Variants in GOLGA3 observed in about 807,000 individuals in gnomAD.
The protein encoded by GOLGA3 is golgin A3, also known as golgin subfamily A member 3.
A neutral mutation model predicts 169.4 loss-of-function variants in GOLGA3; 75 were observed. The observed-to-expected ratio is 0.44, with a 90% confidence interval of 0.37 to 0.54. The LOEUF is 0.54. Ranked by LOEUF, GOLGA3 falls within the 20% of genes least tolerant of loss-of-function variation. The pLI, the probability that GOLGA3 is intolerant of heterozygous loss-of-function variation, is 0.00. For synonymous variants in GOLGA3, 824 were observed against 822.4 expected (o/e 1.00, Z -0.03); for missense variants, 1,899 against 1,930.0 (o/e 0.98, Z 0.30).
At chr12:132,823,072 G>A (rs1004932936) in intron 1 of GOLGA3, among the ~76,000 whole-genome samples, 3 of 152,244 alleles carry the variant, frequency 2.0e-5, no homozygotes, top group African/African-American at 7.2e-5. Flanking sequence ...AAAAGCAGGT[G>A]CCATGGGATG....
In GOLGA3 at chr12:132,786,568, G is replaced by A. The variant is rs201635631; in HGVS notation, c.2907-13C>T. 979 of 1,612,000 alleles carry A rather than the reference G, an allele frequency of 6.1e-4. No homozygotes were observed. The highest frequency in any genetic ancestry group is 1.4e-3 in the Admixed American group (85 of 59,954). On this transcript the variant is annotated splice_polypyrimidine_tract_variant and intron_variant, in intron 14 of 23. Coordinates refer to ENST00000450791, the MANE Select transcript of GOLGA3 (RefSeq NM_001389683.1). ...TTCCGTGATGGCCCTGGGGTGTCATGAGGGAGACACAGGAGGAAGCTGAAT... is the reference window on the plus strand; with the variant it reads ...TTCCGTGATGGCCCTGGGGTGTCATAAGGGAGACACAGGAGGAAGCTGAAT...
chr12:132,822,130 G>T lies in GOLGA3; in HGVS notation c.-2C>A. ...TTGCTCGGCCGACGCGCCGTCCATG[G>T]TCAGGACGACACCAGCTGAGCTGAC... On this transcript the variant is annotated 5_prime_UTR_variant, in exon 2 of 24. Transcript: ENST00000450791. 1 of 1,603,164 alleles carries T rather than the reference G, an allele frequency of 6.2e-7. No individual in the cohort carries two copies.
At chr12:132,814,780 G>A (rs1043677331) in intron 3 of GOLGA3, among the ~76,000 whole-genome samples, 3 of 152,228 alleles carry the variant, frequency 2.0e-5, no homozygotes, top group Admixed American at 1.3e-4. Flanking sequence ...GACAGGAGGG[G>A]AAAATTTACA....
intron 2 of GOLGA3, among the ~76,000 whole-genome samples, chr12:132,819,773 C>T: frequency 6.6e-6 from 1 of 152,210 alleles, no homozygotes; most frequent in Non-Finnish European, 1.5e-5. Context: ...GGCGCAGTGG[C>T]TCACACCTGT....
intron 6 of GOLGA3, among the ~76,000 whole-genome samples, chr12:132,806,228 C>T (rs1949393574): frequency 6.6e-6 from 1 of 152,172 alleles, no homozygotes. Context: ...GTGGATGCAA[C>T]CGAAGGACCA....
intron 8 of GOLGA3, among the ~76,000 whole-genome samples, chr12:132,800,864 TAGG>T (rs1949097184): frequency 6.6e-6 from 1 of 151,710 alleles, no homozygotes; most frequent in African/African-American, 2.4e-5. Flanking sequence ...GAGGCTGAGG[TAGG>T]AGAATAGCTT....
chr12:132,810,658 C>T (rs1001090896), intron 4 of GOLGA3, among the ~76,000 whole-genome samples: 4 of 152,186 alleles, frequency 2.6e-5, no homozygotes, highest in Non-Finnish European at 5.9e-5. Context: ...CCAGAGGGCT[C>T]CTGGGTCTAG....
At chr12:132,812,744 C>T (rs1161193713) in intron 4 of GOLGA3, among the ~76,000 whole-genome samples, 1 of 152,186 alleles carries the variant, frequency 6.6e-6, no homozygotes, top group Admixed American at 6.5e-5. Flanking sequence ...AATAGCACCG[C>T]ATGTTACAGA....
chr12:132,782,420 A>G lies in GOLGA3; in HGVS notation c.3341T>C (p.Leu1114Ser). The G allele has an allele frequency of 1.2e-6, 2 of 1,613,690 alleles. No individual in the cohort carries two copies. Among genetic ancestry groups the G allele is most frequent in the South Asian group, 1.1e-5 (1 of 91,072 alleles). The change falls in exon 17 of 24, where the codon TTA becomes TCA. Residue 1114 changes from leucine to serine, a missense_variant. Physicochemically the swap from Leu to Ser is moderately radical, Grantham distance 145. Transcript: ENST00000450791. ...CGTAAGCTTCCCTTTCTCGTGCTCTAATTCAAGAGCCAACTTCTTGTTTGA... is the reference window on the plus strand; with the variant it reads ...CGTAAGCTTCCCTTTCTCGTGCTCTGATTCAAGAGCCAACTTCTTGTTTGA... Reference protein sequence around the residue: ...EESNKKLALELEHEKGKLTGL... With the variant: ...EESNKKLALESEHEKGKLTGL...
chr12:132,774,950 C>T (rs2045139526), intron 22 of GOLGA3, 191 bp downstream of exon 22: 1 of 577,982 alleles, frequency 1.7e-6, no homozygotes, highest in Non-Finnish European at 3.0e-6. Context: ...GAGGAAAACA[C>T]TGTTGGATGA....
chr12:132,784,418 G>T, intron 15 of GOLGA3, 111 bp from the exon 16 acceptor site: 1 of 886,664 alleles, frequency 1.1e-6, no homozygotes, highest in Non-Finnish European at 1.7e-6. Flanking sequence ...CCAGACACCA[G>T]CTGTCTGACA....
intron 4 of GOLGA3, among the ~76,000 whole-genome samples, chr12:132,812,652 A>G (rs1207562073): frequency 6.6e-6 from 1 of 152,230 alleles, no homozygotes; most frequent in Non-Finnish European, 1.5e-5. Flanking sequence ...CAGCAAGGGC[A>G]CTAGAACTAG....
At position 132,773,216 on chromosome 12, in the gene GOLGA3, C is replaced by T. The variant is rs1446284799; in HGVS notation, c.4386G>A (p.Pro1462=). 9 of 1,573,302 alleles carry T rather than the reference C, an allele frequency of 5.7e-6. No homozygotes were observed. In the African/African-American group the frequency reaches 1.1e-4, roughly 19 times the overall value. ...CAGGGCTGGCAGTGGCTGGCTCCAG[C>T]GGCGTCCACGAGGACAGAGACTCGT... ...TVHESLSSWT[P]LEPATASPVP... Residue 1462 remains proline (P), a synonymous_variant, in exon 24 of 24, where the codon CCG becomes CCA. Coordinates refer to ENST00000450791, the MANE Select transcript of GOLGA3 (RefSeq NM_001389683.1).
rs927463270 is a variant in GOLGA3, at chr12:132,809,328, G to A, written c.520-779C>T. Among the ~76,000 whole-genome samples the A allele has an allele frequency of 5.3e-5, 8 of 152,308 alleles. No homozygotes were observed. In the East Asian group the frequency reaches 5.8e-4, roughly 11 times the overall value. ...ATCACAGGGAGATGGTTAGGCCTCC[G>A]GATAACTGCGGGCAGGCCTGACATC... On this transcript the variant is annotated intron_variant, in intron 4 of 23. Coordinates refer to ENST00000450791, the MANE Select transcript of GOLGA3 (RefSeq NM_001389683.1).
rs201571052 is a variant in GOLGA3, at chr12:132,777,701, C to T, written c.3687G>A (p.Leu1229=). The change falls in exon 19 of 24, where the codon CTG becomes CTA. Residue 1229 remains leucine, a synonymous_variant. Coordinates refer to ENST00000450791, the MANE Select transcript of GOLGA3 (RefSeq NM_001389683.1). This position sits in a 1 kb window ranked among gnomAD's most constrained non-coding sequence, Gnocchi z 4.7. ...VKKELQAKEH[L]VQKLQAEADD... is the part of the protein sequence containing the mutation. The stretch of plus-strand genomic sequence containing the variant: ...CGGCCTCGGCCTGCAGCTTCTGCAC[C>T]AGGTGTTCCTTGGCCTGCAGCTCCT... 2.5e-6 allele frequency: 4 copies of T among 1,614,134 alleles called. No homozygotes were observed. The East Asian group carries it at 8.9e-5, about 36-fold the overall frequency.
At chr12:132,825,695 G>T in intron 1 of GOLGA3, 1 of 1,206,520 alleles carries the variant, frequency 8.3e-7, no homozygotes, top group Middle Eastern at 2.7e-4. Context: ...TTCAGTGGCC[G>T]GGAAGATGGC....
chr12:132,824,112 A>G (rs1484997204), intron 1 of GOLGA3, among the ~76,000 whole-genome samples: 1 of 152,172 alleles, frequency 6.6e-6, no homozygotes, highest in Non-Finnish European at 1.5e-5. Flanking sequence ...AAAAAAGAGA[A>G]GCCCACGTGG....
At position 132,789,133 on chromosome 12, in the gene GOLGA3, G is replaced by A. The variant is rs756239180; in HGVS notation, c.2705C>T (p.Ser902Leu). ...CTGGGCCACCTCTCTGTGCAGGCGC[G>A]AGAGCTCCGCCTCGGCAGTCCGCTT... is the stretch of plus-strand genomic sequence containing the variant. ...GEKRTAEAEL[S>L]RLHREVAQVR... Residue 902 changes from serine (S) to leucine (L), a missense_variant, in exon 13 of 24, where the codon TCG (serine) becomes TTG (leucine). Coordinates refer to ENST00000450791, the MANE Select transcript of GOLGA3 (RefSeq NM_001389683.1). The A allele has an allele frequency of 9.9e-6, 16 of 1,613,218 alleles. No homozygotes were observed. The highest frequency in any genetic ancestry group is 1.7e-5 in the Admixed American group (1 of 60,022).
At position 132,808,551 on chromosome 12, in the gene GOLGA3, T is replaced by C; in HGVS notation, c.520-2A>G. 6.4e-7 allele frequency: 1 copy of C among 1,567,658 alleles called. No individual in the cohort carries two copies. Reference sequence around the variant, plus strand: ...CGTTTTGGTTGCAGGTTGACTGGACTGAGAAGAAAACAAAAGTACAAAAAT... The same window carrying C: ...CGTTTTGGTTGCAGGTTGACTGGACCGAGAAGAAAACAAAAGTACAAAAAT... On this transcript the variant is annotated splice_acceptor_variant, in intron 4 of 23. Coordinates refer to ENST00000450791, the MANE Select transcript of GOLGA3 (RefSeq NM_001389683.1). LOFTEE classifies it high-confidence loss of function.
Sources: gnomAD v4.1 joint callset for allele counts (sites outside exome capture counted in the v4.1 genomes callset) on GRCh38, gnomAD v4.1.1 for gene constraint, Gnocchi (gnomAD v3.1) non-coding constraint, MANE v1.5 for transcripts, NCBI Gene and HGNC (gene_info 2026-07-23, HGNC 2026-07-21) for gene names.